Variants in XPO5 observed in about 807,000 individuals in gnomAD.
XPO5 encodes exportin 5.
XPO5 carries 46 observed loss-of-function variants against 160.6 expected under a neutral mutation model. The observed-to-expected ratio is 0.29, with a 90% confidence interval of 0.23 to 0.37. The LOEUF (loss-of-function observed/expected upper bound fraction) is 0.37, where lower values mean the gene tolerates loss of function less well. XPO5 is among the 10% of genes least tolerant of loss of function. The pLI is 1.00. For synonymous variants in XPO5, 537 were observed against 519.3 expected (o/e 1.03, Z -0.46); for missense variants, 1,090 against 1,463.9 (o/e 0.74, Z 4.17).
At chr6:43,528,250 T>C (rs528648301) in intron 24 of XPO5, 45 bp from the exon 25 acceptor site, 22 of 1,541,048 alleles carry the variant, frequency 1.4e-5, no homozygotes, top group Admixed American at 3.9e-5. Context: ...GGGGAAAGGA[T>C]TGGAACACAT....
intron 11 of XPO5, 63 bp from the exon 12 acceptor site, chr6:43,558,654 C>T (rs1762243677): frequency 5.5e-6 from 7 of 1,275,322 alleles, no homozygotes; most frequent in Middle Eastern, 1.9e-4. Context: ...AGTTTTTAAG[C>T]TTCAGGAGTT....
At position 43,525,234 on chromosome 6, in the gene XPO5, G is replaced by A. The variant is rs956453372; in HGVS notation, c.3067-20C>T. The A allele has an allele frequency of 2.6e-6, 4 of 1,556,262 alleles. No homozygotes were observed. The highest frequency in any genetic ancestry group is 2.7e-5 in the African/African-American group (2 of 73,354). On this transcript the variant is annotated intron_variant, in intron 28 of 31. Coordinates refer to ENST00000265351, the MANE Select transcript of XPO5 (RefSeq NM_020750.3). Reference sequence around the variant, plus strand: ...AACATCCTGAACAGGAAAAGATGAAGAGTTACAATGGAAAAAGAAGCACAG... The same window carrying A: ...AACATCCTGAACAGGAAAAGATGAAAAGTTACAATGGAAAAAGAAGCACAG...
In XPO5 at chr6:43,527,536, A is replaced by G. The variant is rs539020608; in HGVS notation, c.2920+98T>C. ...ATCCACCATGCCCGCCGCAAACATGAATCCTTTGCATTAGTCAGGCCTTCA... is the reference window on the plus strand; with the variant it reads ...ATCCACCATGCCCGCCGCAAACATGGATCCTTTGCATTAGTCAGGCCTTCA... On this transcript the variant is annotated intron_variant, in intron 26 of 31. Transcript: ENST00000265351. The G allele has an allele frequency of 3.2e-6, 4 of 1,240,100 alleles. No homozygotes were observed. In the South Asian group the frequency reaches 5.1e-5, roughly 16 times the overall value. 76.8% of individuals were successfully genotyped at this position (1,240,100 alleles called of 1,614,324 possible).
At chr6:43,558,725 C>A in intron 11 of XPO5, 134 bp from the exon 12 acceptor site, 1 of 638,540 alleles carries the variant, frequency 1.6e-6, no homozygotes, top group Non-Finnish European at 2.6e-6. Flanking sequence ...TGGTAAATAT[C>A]CACTTCAGTT....
At chr6:43,525,998 AAAAC>A in intron 27 of XPO5, 77 bp from the exon 28 acceptor site, 4 of 1,528,858 alleles carry the variant, frequency 2.6e-6, no homozygotes, top group Admixed American at 1.9e-5. Context: ...AGAAGCGCAA[AAAAC>A]AAAGCAAAGC....
chr6:43,531,448 A>C, intron 22 of XPO5, 31 bp downstream of exon 22: 1 of 1,588,644 alleles, frequency 6.3e-7, no homozygotes, highest in Non-Finnish European at 8.6e-7. Context: ...ATCGAGGAAG[A>C]AAATATGGAG....
chr6:43,559,829 C>G (rs1762311782), intron 11 of XPO5, among the ~76,000 whole-genome samples: 1 of 152,132 alleles, frequency 6.6e-6, no homozygotes, highest in South Asian at 2.1e-4. Context: ...TTTATGTTTC[C>G]CCCGAGACAG....
chr6:43,546,413 AT>A (rs951014338), intron 20 of XPO5, among the ~76,000 whole-genome samples, 157 bp downstream of exon 20: 7 of 152,090 alleles, frequency 4.6e-5, no homozygotes, highest in Admixed American at 1.3e-4. Flanking sequence ...AGCTGATGTT[AT>A]TTTTTTTAAA....
chr6:43,568,886 G>A (rs757142380), intron 5 of XPO5, 149 bp from the exon 6 acceptor site: 9 of 612,226 alleles, frequency 1.5e-5, no homozygotes, highest in Admixed American at 3.5e-5. Flanking sequence ...TACTAAGCAC[G>A]CATAACTGAT....
At position 43,570,311 on chromosome 6, in the gene XPO5, CA is replaced by C. The variant is rs70990200; in HGVS notation, c.621+190del. ...TAGGTGACAGAGCGAGCCTCCGTCT[CA>C]AAAAAAAAAAAAAAAAAAAAAGAAA... On this transcript the variant is annotated intron_variant, in intron 5 of 31. Transcript: ENST00000265351. Among the ~76,000 whole-genome samples, 24,709 of 77,586 alleles carry C rather than the reference CA, an allele frequency of 0.32. 1,494 individuals carry two copies. The highest frequency in any genetic ancestry group is 0.36 in the Non-Finnish European group (13,981 of 39,134). 50.9% of individuals were successfully genotyped at this position (77,586 alleles called of 152,430 possible). A position where few individuals can be genotyped will look rare whatever the true frequency, so the allele number is the denominator to read the frequency against.
At chr6:43,572,431 C>T (rs1002329916) in intron 3 of XPO5, 75 bp downstream of exon 3, 9 of 1,449,786 alleles carry the variant, frequency 6.2e-6, no homozygotes, top group Non-Finnish European at 8.7e-6. Context: ...AATTTTTACA[C>T]AAACTCCCTA....
At chr6:43,550,106 GATAACCTCTACA>G (rs1331815018) in intron 15 of XPO5, among the ~76,000 whole-genome samples, 172 bp from the exon 16 acceptor site, 5 of 152,118 alleles carry the variant, frequency 3.3e-5, no homozygotes, top group Non-Finnish European at 5.9e-5. Flanking sequence ...CATTTTCTCA[GATAACCTCTACA>G]AGAGTCATCG....
chr6:43,522,803 G>A lies in XPO5; in HGVS notation c.*1065C>T, dbSNP rs544427233. 1.3e-4 allele frequency: 52 copies of A among 399,882 alleles called. No homozygotes were observed. Among genetic ancestry groups the A allele is most frequent in the African/African-American group, 7.2e-4 (35 of 48,320 alleles). The allele number at this position is 399,882 out of a possible 1,614,324, so 24.8% of individuals were successfully genotyped here. ...CTGTATGGATTAACTCTGCCTTACG[G>A]CCAGTAATAACCTCAGGGCCAGGTC... On this transcript the variant is annotated 3_prime_UTR_variant, in exon 32 of 32. Transcript: ENST00000265351.
chr6:43,550,544 CAT>C (rs1334640892), intron 15 of XPO5, among the ~76,000 whole-genome samples: 8 of 152,230 alleles, frequency 5.3e-5, no homozygotes, highest in African/African-American at 4.8e-5. Flanking sequence ...GCTTGACTCA[CAT>C]GTCTCCTAAC....
intron 24 of XPO5, 129 bp downstream of exon 24, chr6:43,528,699 G>T: frequency 1.2e-6 from 1 of 848,450 alleles, no homozygotes; most frequent in Non-Finnish European, 1.9e-6. Context: ...AGCTGGGGTA[G>T]AAGCTCTGCC....
At chr6:43,543,626 A>C (rs1035378176) in intron 20 of XPO5, among the ~76,000 whole-genome samples, 1 of 152,080 alleles carries the variant, frequency 6.6e-6, no homozygotes. Flanking sequence ...CTCACAAGTT[A>C]AGCCCTTTTC....
intron 10 of XPO5, 107 bp downstream of exon 10, chr6:43,560,817 C>T: frequency 1.0e-6 from 1 of 954,858 alleles, no homozygotes. Flanking sequence ...TCCCCAAGGC[C>T]TGAAGAGTCA....
chr6:43,535,366 G>A (rs1193309866), intron 20 of XPO5, among the ~76,000 whole-genome samples: 4 of 151,362 alleles, frequency 2.6e-5, no homozygotes, highest in East Asian at 2.0e-4. Flanking sequence ...GAGGTGGGTG[G>A]ATCATCTGAG....
At chr6:43,569,655 C>A (rs977270474) in intron 5 of XPO5, among the ~76,000 whole-genome samples, 6 of 151,934 alleles carry the variant, frequency 3.9e-5, no homozygotes, top group African/African-American at 1.2e-4. Context: ...ATCGCTTGAA[C>A]CCAGGAGGCG....
Sources: gnomAD v4.1 joint callset for allele counts (sites outside exome capture counted in the v4.1 genomes callset) on GRCh38, gnomAD v4.1.1 for gene constraint, MANE v1.5 for transcripts, NCBI Gene and HGNC (gene_info 2026-07-23, HGNC 2026-07-21) for gene names.